Variants in PCCB observed in about 807,000 individuals in gnomAD.
PCCB encodes propionyl-CoA carboxylase subunit beta, also known as propionyl-CoA carboxylase beta chain, mitochondrial.
A neutral mutation model predicts 60.7 loss-of-function variants in PCCB; 43 were observed. The ratio of observed to expected loss-of-function variants is 0.71; its 90% CI spans 0.55 to 0.91. The LOEUF (loss-of-function observed/expected upper bound fraction) is 0.91. Among genes scored for constraint, PCCB ranks in the 40% least tolerant of loss-of-function variants. The probability of loss-of-function intolerance (pLI) is 0.00; values close to 1 mark genes in which losing one functional copy is unlikely to be tolerated. For synonymous variants in PCCB, 276 were observed against 255.9 expected (o/e 1.08, Z -0.75); for missense variants, 766 against 702.8 (o/e 1.09, Z -1.02).
chr3:136,306,404 A>G lies in PCCB; in HGVS notation c.966+5293A>G. 1.6e-5 allele frequency among the ~76,000 whole-genome samples: 2 copies of G among 122,680 alleles called. 1 individual carries two copies. Among genetic ancestry groups the G allele is most frequent in the Admixed American group, 1.9e-4 (2 of 10,268 alleles). 80.5% of individuals were successfully genotyped at this position (122,680 alleles called of 152,430 possible). A position where few individuals can be genotyped will look rare whatever the true frequency, so the allele number is the denominator to read the frequency against. ...CAAAATTGCATCAGAAATGATATCA[A>G]AATTGCAAGGTGCTCAAAGGAGAAT... On this transcript the variant is annotated intron_variant, in intron 9 of 14. Coordinates refer to ENST00000251654, the MANE Select transcript of PCCB (RefSeq NM_000532.5).
chr3:136,322,567 T>A (rs1935146056), intron 10 of PCCB, among the ~76,000 whole-genome samples: 1 of 152,216 alleles, frequency 6.6e-6, no homozygotes, highest in African/African-American at 2.4e-5. Flanking sequence ...TAGAATTCAC[T>A]AGTTGAAACC....
chr3:136,266,875 T>C (rs775128748), intron 5 of PCCB, among the ~76,000 whole-genome samples: 1 of 152,062 alleles, frequency 6.6e-6, no homozygotes, highest in Non-Finnish European at 1.5e-5. Context: ...AGTGGTAGCT[T>C]TATTTTTATT....
chr3:136,300,024 G>A (rs565809692), intron 8 of PCCB, among the ~76,000 whole-genome samples: 7 of 151,260 alleles, frequency 4.6e-5, no homozygotes, highest in South Asian at 2.1e-4. Context: ...ATGTGTACAC[G>A]CCCACACATG....
At chr3:136,292,526 A>G (rs1307455019) in intron 6 of PCCB, among the ~76,000 whole-genome samples, 1 of 152,192 alleles carries the variant, frequency 6.6e-6, no homozygotes, top group East Asian at 1.9e-4. Context: ...AGTTTTGGAA[A>G]CAACCTTCAT....
At chr3:136,295,920 AC>A (rs748674896) in intron 7 of PCCB, among the ~76,000 whole-genome samples, 79 of 151,786 alleles carry the variant, frequency 5.2e-4, no homozygotes, top group Non-Finnish European at 1.0e-3. Context: ...AATCTCAAGT[AC>A]GTTTTGTTTG....
intron 9 of PCCB, among the ~76,000 whole-genome samples, chr3:136,309,708 A>G (rs1934587220): frequency 1.3e-5 from 2 of 152,012 alleles, no homozygotes; most frequent in African/African-American, 4.8e-5. Context: ...GCCTCAGTGT[A>G]GGAGAATTGC....
intron 3 of PCCB, 98 bp from the exon 4 acceptor site, chr3:136,260,381 A>G (rs769793110): frequency 2.8e-6 from 3 of 1,068,904 alleles, no homozygotes; most frequent in Non-Finnish European, 4.2e-6. Flanking sequence ...CCTGGCCTAA[A>G]AACTTTTATC....
intron 10 of PCCB, among the ~76,000 whole-genome samples, chr3:136,320,750 T>C (rs1935080167): frequency 1.3e-5 from 2 of 152,248 alleles, no homozygotes; most frequent in Non-Finnish European, 2.9e-5. Context: ...ATTTTCTATA[T>C]ATAGGGTCAT....
At chr3:136,324,068 ATTTTTT>A (rs2076935238) in intron 10 of PCCB, among the ~76,000 whole-genome samples, 1 of 149,106 alleles carries the variant, frequency 6.7e-6, no homozygotes, top group Non-Finnish European at 1.5e-5. Flanking sequence ...CAGAGACTAT[ATTTTTT>A]GTCATTTGTG....
chr3:136,299,392 A>G (rs1457630499), intron 8 of PCCB, among the ~76,000 whole-genome samples: 1 of 151,544 alleles, frequency 6.6e-6, no homozygotes, highest in Non-Finnish European at 1.5e-5. Flanking sequence ...ATGTATGTAT[A>G]TGTATGCTTA....
intron 9 of PCCB, among the ~76,000 whole-genome samples, chr3:136,309,557 T>C (rs529679466): frequency 6.6e-6 from 1 of 152,086 alleles, no homozygotes; most frequent in Admixed American, 6.5e-5. Flanking sequence ...CCCAGCACTT[T>C]GGGAGGCTGA....
chr3:136,310,003 G>A (rs977500868), intron 9 of PCCB, among the ~76,000 whole-genome samples: 5 of 151,956 alleles, frequency 3.3e-5, no homozygotes, highest in African/African-American at 9.7e-5. Context: ...ATGCTAAAAC[G>A]GGAGGATTGT....
intron 6 of PCCB, among the ~76,000 whole-genome samples, chr3:136,291,355 A>G (rs1487357297): frequency 6.6e-6 from 1 of 152,174 alleles, no homozygotes; most frequent in Non-Finnish European, 1.5e-5. Flanking sequence ...TCTGATGCTT[A>G]TTCTCTCTTC....
chr3:136,302,671 G>A lies in PCCB; in HGVS notation c.966+1560G>A, dbSNP rs931552969. Among the ~76,000 whole-genome samples the A allele has an allele frequency of 1.5e-4, 18 of 117,256 alleles. 4 individuals are homozygous for A. Among genetic ancestry groups the A allele is most frequent in the African/African-American group, 1.5e-4 (6 of 38,974 alleles). The allele number at this position is 117,256 out of a possible 152,430, so 76.9% of individuals were successfully genotyped here. ...GCTGGTGTGCTGCACCTGTTAACTC[G>A]TCATTTAGCATTAGGTATATCTCCT... On this transcript the variant is annotated intron_variant, in intron 9 of 14. Coordinates refer to ENST00000251654, the MANE Select transcript of PCCB (RefSeq NM_000532.5).
At chr3:136,313,207 G>A (rs66895236) in intron 9 of PCCB, among the ~76,000 whole-genome samples, 9,165 of 152,210 alleles carry the variant, frequency 0.06, 378 homozygotes, top group Middle Eastern at 0.11. Context: ...CCCATTCCTA[G>A]CAATTTACCC....
intron 1 of PCCB, chr3:136,251,355 C>G (rs1316130907): frequency 4.4e-6 from 2 of 456,310 alleles, no homozygotes; most frequent in South Asian, 3.1e-5. Flanking sequence ...GAGTCTGGAC[C>G]GTTGTGCTGA....
intron 6 of PCCB, among the ~76,000 whole-genome samples, chr3:136,291,787 C>CT (rs958135446): frequency 6.6e-6 from 1 of 152,218 alleles, no homozygotes; most frequent in East Asian, 1.9e-4. Context: ...TCAGAAGGGT[C>CT]TTTTTTTCCC....
intron 3 of PCCB, among the ~76,000 whole-genome samples, chr3:136,257,103 G>A (rs1941691231): frequency 6.6e-6 from 1 of 152,228 alleles, no homozygotes; most frequent in Admixed American, 6.5e-5. Context: ...CATAGCCAAA[G>A]CTATCAATAT....
intron 1 of PCCB, chr3:136,255,582 T>G (rs753265781): frequency 9.4e-5 from 45 of 477,060 alleles, no homozygotes; most frequent in Non-Finnish European, 2.7e-5. Context: ...CAGGTTCTCC[T>G]TATCCCCACT....
Sources: allele counts gnomAD v4.1 joint callset (sites outside exome capture counted in the v4.1 genomes callset), GRCh38; gene constraint gnomAD v4.1.1; transcripts MANE v1.5; gene names NCBI Gene and HGNC (gene_info 2026-07-23, HGNC 2026-07-21).